Variants in PPARGC1A observed in about 807,000 individuals in gnomAD.
PPARGC1A encodes peroxisome proliferator-activated receptor gamma coactivator 1-alpha.
PPARGC1A carries 25 observed loss-of-function variants against 88.7 expected under a neutral mutation model. The observed-to-expected ratio is 0.28, with a 90% confidence interval of 0.21 to 0.39. PPARGC1A has a LOEUF of 0.39. Among genes scored for constraint, PPARGC1A ranks in the 10% least tolerant of loss-of-function variants. The pLI, the probability that PPARGC1A is intolerant of heterozygous loss-of-function variation, is 1.00. For synonymous variants in PPARGC1A, 363 were observed against 355.6 expected (o/e 1.02, Z -0.24); for missense variants, 880 against 968.7 (o/e 0.91, Z 1.22).
the PPARGC1A span, among the ~76,000 whole-genome samples, chr4:23,947,385 ATATATATATAT>A: frequency 3.2e-3 from 33 of 10,412 alleles, no homozygotes; most frequent in African/African-American, 6.8e-3. Flanking sequence ...ATATATATAT[ATATATATATAT>A]AAAAAAAACG....
chr4:24,358,035 T>C, the PPARGC1A span, among the ~76,000 whole-genome samples: 1 of 152,176 alleles, frequency 6.6e-6, no homozygotes, highest in Non-Finnish European at 1.5e-5. Context: ...TTTAGGAGCA[T>C]CCACAATATA....
chr4:24,387,524 G>A, the PPARGC1A span, among the ~76,000 whole-genome samples: 2 of 152,100 alleles, frequency 1.3e-5, no homozygotes, highest in East Asian at 3.9e-4. Flanking sequence ...AAGTGATCGA[G>A]ACCATCCTGG....
At chr4:24,171,139 C>G in the PPARGC1A span, among the ~76,000 whole-genome samples, 1 of 152,118 alleles carries the variant, frequency 6.6e-6, no homozygotes, top group African/African-American at 2.4e-5. Flanking sequence ...CGGCCAGGCG[C>G]GGTGGCTCAC....
chr4:24,151,996 C>T, the PPARGC1A span, among the ~76,000 whole-genome samples: 9 of 152,164 alleles, frequency 5.9e-5, no homozygotes, highest in South Asian at 4.1e-4. Flanking sequence ...AAATGCATTG[C>T]CTGGTGGCAG....
At chr4:23,966,693 T>C in the PPARGC1A span, among the ~76,000 whole-genome samples, 17 of 152,352 alleles carry the variant, frequency 1.1e-4, no homozygotes, top group East Asian at 3.3e-3. Context: ...CTCTCTCAAC[T>C]AATCTGTGCT....
the PPARGC1A span, among the ~76,000 whole-genome samples, chr4:24,259,837 T>C: frequency 3.9e-5 from 6 of 152,278 alleles, no homozygotes; most frequent in Admixed American, 3.9e-4. Flanking sequence ...TGAATCATCA[T>C]AGATTTTTTC....
intron 2 of PPARGC1A, among the ~76,000 whole-genome samples, chr4:23,833,681 GT>G (rs1725463877): frequency 6.6e-6 from 1 of 152,144 alleles, no homozygotes; most frequent in African/African-American, 2.4e-5. Flanking sequence ...CATAAAAATT[GT>G]TTTCCTTAAT....
chr4:24,200,049 A>C, the PPARGC1A span, among the ~76,000 whole-genome samples: 1 of 152,210 alleles, frequency 6.6e-6, no homozygotes, highest in African/African-American at 2.4e-5. Context: ...AAAATGGATA[A>C]ACTAGATTTG....
chr4:24,357,075 G>T, the PPARGC1A span, among the ~76,000 whole-genome samples: 1 of 152,212 alleles, frequency 6.6e-6, no homozygotes. Context: ...GGACTATGCT[G>T]AGACAGGTCT....
the PPARGC1A span, among the ~76,000 whole-genome samples, chr4:24,390,883 A>AT: frequency 3.3e-5 from 5 of 152,022 alleles, no homozygotes; most frequent in Admixed American, 3.3e-4. Flanking sequence ...CACATGTAAA[A>AT]TTGTCTCAAG....
chr4:24,027,972 C>T, the PPARGC1A span, among the ~76,000 whole-genome samples: 1 of 152,112 alleles, frequency 6.6e-6, no homozygotes, highest in Non-Finnish European at 1.5e-5. Context: ...CACAGCTACG[C>T]TCTGAAATAG....
the PPARGC1A span, among the ~76,000 whole-genome samples, chr4:24,114,248 G>C: frequency 6.6e-6 from 1 of 152,054 alleles, no homozygotes; most frequent in African/African-American, 2.4e-5. Flanking sequence ...CTGATACAGT[G>C]AACCACTGTT....
At chr4:24,103,502 C>T in the PPARGC1A span, among the ~76,000 whole-genome samples, 4 of 150,918 alleles carry the variant, frequency 2.7e-5, no homozygotes, top group African/African-American at 9.7e-5. Context: ...CCCTCGGGCT[C>T]ACAGCTGCTG....
At chr4:24,279,790 G>C in the PPARGC1A span, among the ~76,000 whole-genome samples, 1 of 152,072 alleles carries the variant, frequency 6.6e-6, no homozygotes. Context: ...TCTTGTCTCT[G>C]CTCCCATCAA....
chr4:24,016,985 C>G, the PPARGC1A span, among the ~76,000 whole-genome samples: 1 of 152,004 alleles, frequency 6.6e-6, no homozygotes, highest in African/African-American at 2.4e-5. Flanking sequence ...ATTGTAGGAA[C>G]AGGAAGGAAG....
At chr4:24,131,857 C>T in the PPARGC1A span, among the ~76,000 whole-genome samples, 16 of 152,280 alleles carry the variant, frequency 1.1e-4, no homozygotes, top group South Asian at 1.2e-3. Flanking sequence ...CCTCTCATGA[C>T]GTAAGCAGAG....
At chr4:24,240,797 G>C in the PPARGC1A span, among the ~76,000 whole-genome samples, 8 of 150,282 alleles carry the variant, frequency 5.3e-5, no homozygotes, top group South Asian at 1.5e-3. Context: ...TCTGGCAGGG[G>C]TAAGTAGCTT....
chr4:23,813,152 G>A (rs1721263530), intron 8 of PPARGC1A, 27 bp from the exon 9 acceptor site: 4 of 1,605,804 alleles, frequency 2.5e-6, no homozygotes, highest in African/African-American at 1.3e-5. Flanking sequence ...AAGCAAAAAG[G>A]GCATTTGCAA....
chr4:23,837,056 T>C (rs1726152893), intron 2 of PPARGC1A, among the ~76,000 whole-genome samples: 1 of 152,260 alleles, frequency 6.6e-6, no homozygotes, highest in East Asian at 1.9e-4. Flanking sequence ...ACACTCTGTG[T>C]CCCCAGATTC....
Sources: allele counts gnomAD v4.1 joint callset (sites outside exome capture counted in the v4.1 genomes callset), GRCh38; gene constraint gnomAD v4.1.1; transcripts MANE v1.5; gene names NCBI Gene and HGNC (gene_info 2026-07-23, HGNC 2026-07-21).